The following ABCA6 variants were observed in gnomAD, a reference collection of about 807,000 sequenced individuals.
The protein encoded by ABCA6 is ATP binding cassette subfamily A member 6.
Under a neutral mutation model 191.2 loss-of-function variants are expected in ABCA6, and 164 were observed. That is an observed-to-expected ratio of 0.86 (90% confidence interval 0.76 to 0.98). ABCA6 has a LOEUF of 0.98. ABCA6 is among the 50% of genes least tolerant of loss of function. The pLI, the probability that ABCA6 is intolerant of heterozygous loss-of-function variation, is 0.00. For missense variants in ABCA6, 1,958 were observed against 1,894.1 expected, an observed-to-expected ratio of 1.03 and a Z score of -0.63; for synonymous variants, 636 against 647.7, an observed-to-expected ratio of 0.98 and a Z score of 0.27.
intron 15 of ABCA6, chr17:69,112,874 GA>G (rs66841849): frequency 0.1 from 15,394 of 149,126 alleles, 2,641 homozygotes; most frequent in African/African-American, 0.36. Context: ...AATACTTTCT[GA>G]AAAAAAAAAC....
intron 2 of ABCA6, among the ~76,000 whole-genome samples, chr17:69,138,149 C>A (rs1384813230): frequency 6.6e-6 from 1 of 152,098 alleles, no homozygotes; most frequent in Non-Finnish European, 1.5e-5. Flanking sequence ...GATCTTTTGA[C>A]TGAATGCATA....
chr17:69,090,147 T>C (rs779234593), intron 26 of ABCA6, among the ~76,000 whole-genome samples: 1 of 152,242 alleles, frequency 6.6e-6, no homozygotes, highest in African/African-American at 2.4e-5. Flanking sequence ...TAGTTTCTAA[T>C]CGAGAACTTC....
In ABCA6 at chr17:69,087,392, T is replaced by A; in HGVS notation, c.3780A>T (p.Ile1260=). The A allele has an allele frequency of 1.9e-6, 3 of 1,614,028 alleles. No individual in the cohort carries two copies. The African/African-American group carries it at 4.0e-5, about 22-fold the overall frequency. Residue 1260 remains isoleucine, a synonymous_variant, in exon 29 of 39, where the codon ATA becomes ATT. Transcript: ENST00000284425. ...DEDEDIQTER[I]RTATALTTSI... The stretch of plus-strand genomic sequence containing the variant: ...AAGTGGTCAGAGCAGTGGCTGTTCT[T>A]ATTCTTTCTGTTTGAATATCTTCAT...
At chr17:69,099,813 A>G (rs542666141) in intron 22 of ABCA6, among the ~76,000 whole-genome samples, 2 of 152,216 alleles carry the variant, frequency 1.3e-5, no homozygotes, top group African/African-American at 4.8e-5. Flanking sequence ...AGTACTGTAT[A>G]TTTCATCCCC....
chr17:69,083,701 A>T lies in ABCA6; in HGVS notation c.4356-370T>A, dbSNP rs2072698695. ...CATGGGAATAATGGATTCATAAGCG[A>T]TTCTCTACATTTGTATAAAATTACC... On this transcript the variant is annotated intron_variant, in intron 34 of 38. Transcript: ENST00000284425. Among the ~76,000 whole-genome samples the T allele has an allele frequency of 2.0e-5, 3 of 152,232 alleles. No individual in the cohort carries two copies. In the South Asian group the frequency reaches 6.2e-4, roughly 32 times the overall value.
Position 69,106,161 on chromosome 17 carries a change from C to T in ABCA6, c.2440G>A (p.Glu814Lys). The T allele has an allele frequency of 6.2e-7, 1 of 1,613,816 alleles. No homozygotes were observed. Among genetic ancestry groups the T allele is most frequent in the Non-Finnish European group, 8.5e-7 (1 of 1,179,824 alleles). Residue 814 changes from glutamate (E) to lysine (K), a missense_variant, in exon 19 of 39, where the codon GAG becomes AAG. By Grantham distance (56) the Glu-to-Lys change is moderately conservative (BLOSUM62 1). Transcript: ENST00000284425. ...TCAGAGAAGGAAGAGTGAGCCAGCT[C>T]CATTTCATTGAGGCTTTCTGAGTCT... is the stretch of plus-strand genomic sequence containing the variant. The part of the protein sequence containing the change: ...IRDSESLNEM[E>K]LAHSSFSEMQ...
At chr17:69,135,931 T>C (rs2073938954) in intron 4 of ABCA6, 161 bp downstream of exon 4, 2 of 695,858 alleles carry the variant, frequency 2.9e-6, no homozygotes, top group Non-Finnish European at 4.8e-6. Context: ...AGTCATCCTG[T>C]AGTAGGAACA....
At position 69,086,646 on chromosome 17, in the gene ABCA6, T is replaced by C. The variant is rs138917560; in HGVS notation, c.3909A>G (p.Ala1303=). Residue 1303 remains alanine, a synonymous_variant, in exon 30 of 39, where the codon GCA becomes GCG. Coordinates refer to ENST00000284425, the MANE Select transcript of ABCA6 (RefSeq NM_080284.3). ...CTTGAACACAGAAAGAGATATTTCT[T>C]GCTGCTATTTTCTTCTTCCTCTTTG... ...CFSKRKKKIA[A]RNISFCVQEG... 6.5e-3 allele frequency: 10,432 copies of C among 1,612,284 alleles called. 70 individuals are homozygous for C. The highest frequency in any genetic ancestry group is 0.01 in the South Asian group (919 of 91,038).
At chr17:69,100,438 CTAAT>C (rs940813051) in intron 22 of ABCA6, among the ~76,000 whole-genome samples, 44 of 152,306 alleles carry the variant, frequency 2.9e-4, no homozygotes, top group African/African-American at 1.1e-3. Flanking sequence ...GGTCCACTAA[CTAAT>C]TATAATAGAT....
chr17:69,106,236 AC>A, intron 18 of ABCA6, 25 bp from the exon 19 acceptor site: 1 of 1,585,596 alleles, frequency 6.3e-7, no homozygotes, highest in South Asian at 1.2e-5. Context: ...ATACACAAAC[AC>A]ACATATTATA....
chr17:69,089,100 T>C (rs2072870102), intron 27 of ABCA6, among the ~76,000 whole-genome samples: 1 of 152,242 alleles, frequency 6.6e-6, no homozygotes, highest in Non-Finnish European at 1.5e-5. Flanking sequence ...TCAGCCTAAA[T>C]ACACCAAAAT....
chr17:69,090,830 G>A (rs1367098495), intron 26 of ABCA6, among the ~76,000 whole-genome samples: 1 of 152,114 alleles, frequency 6.6e-6, no homozygotes, highest in Non-Finnish European at 1.5e-5. Context: ...ATATTTGAAT[G>A]GCATTTGACA....
In ABCA6 at chr17:69,141,813, G is replaced by C. The variant is rs185800439; in HGVS notation, c.-114C>G. The C allele has an allele frequency of 6.6e-6, 1 of 152,032 alleles. No homozygotes were observed. Among genetic ancestry groups the C allele is most frequent in the Non-Finnish European group, 1.5e-5 (1 of 67,972 alleles). The allele number at this position is 152,032 out of a possible 1,614,324, so 9.4% of individuals were successfully genotyped here. On this transcript the variant is annotated 5_prime_UTR_variant, in exon 1 of 39. It adds an upstream start codon to the 5' untranslated region. Transcript: ENST00000284425. ...CCAGTTCTCTGTTTGTCTAGGTAAC[G>C]ATTACAACTTCTTTATTGCTGCTTC...
intron 10 of ABCA6, among the ~76,000 whole-genome samples, chr17:69,119,854 T>C (rs2073608853): frequency 6.6e-6 from 1 of 152,010 alleles, no homozygotes; most frequent in Non-Finnish European, 1.5e-5. Context: ...TAGAAACAAC[T>C]AGAATATTTT....
chr17:69,115,465 T>C lies in ABCA6; in HGVS notation c.1517A>G (p.Glu506Gly). Residue 506 changes from glutamate to glycine, a missense_variant, in exon 12 of 39, where the codon GAA (glutamate) becomes GGA (glycine). Coordinates refer to ENST00000284425, the MANE Select transcript of ABCA6 (RefSeq NM_080284.3). Reference sequence around the variant, plus strand: ...ACCCAGGATTGCCGTGATTTGACCTTCATATATGTCAAAGAGCAAGCCTAT... The same window carrying C: ...ACCCAGGATTGCCGTGATTTGACCTCCATATATGTCAAAGAGCAAGCCTAT... ...ALKGLLFDIY[E>G]GQITAILGHS... 6.2e-7 allele frequency: 1 copy of C among 1,610,458 alleles called. No homozygotes were observed. The highest frequency in any genetic ancestry group is 2.2e-5 in the East Asian group (1 of 44,774).
rs1180343039 is a variant in ABCA6, at chr17:69,133,741, AATGAAGC to A, written c.684_690del (p.Leu228PhefsTer13). ...GATATAAAATATACAAGTGGGGAGA[AATGAAGC>A]AAGAAGAATAAAATAAACATCTCAT... On this transcript the variant is annotated frameshift_variant, in exon 6 of 39. Coordinates refer to ENST00000284425, the MANE Select transcript of ABCA6 (RefSeq NM_080284.3). LOFTEE classifies it high-confidence loss of function. 2.5e-6 allele frequency: 4 copies of A among 1,611,976 alleles called. No homozygotes were observed. Among genetic ancestry groups the A allele is most frequent in the Non-Finnish European group, 3.4e-6 (4 of 1,178,432 alleles).
At chr17:69,122,545 A>C (rs1430752393) in intron 10 of ABCA6, among the ~76,000 whole-genome samples, 1 of 152,022 alleles carries the variant, frequency 6.6e-6, no homozygotes, top group African/African-American at 2.4e-5. Context: ...CATAAAATTT[A>C]CTCATTTTTC....
At chr17:69,092,468 C>T (rs942989532) in intron 25 of ABCA6, among the ~76,000 whole-genome samples, 2 of 152,206 alleles carry the variant, frequency 1.3e-5, no homozygotes, top group Non-Finnish European at 2.9e-5. Context: ...CCTCTCTTCT[C>T]ATCCACTGGA....
In ABCA6 at chr17:69,096,349, AT is replaced by A. The variant is rs758594843; in HGVS notation, c.3298del (p.Ile1100Ter). ...ITSQIVFALV[I>X]VTPGYAASLV... Reference sequence around the variant, plus strand: ...AGAAGCTGCATAACCAGGAGTAACTATAACCTGAGCATAAAAGAAATAATAA... The same window carrying A: ...AGAAGCTGCATAACCAGGAGTAACTAAACCTGAGCATAAAAGAAATAATAA... On this transcript the variant is annotated frameshift_variant, in exon 25 of 39. Coordinates refer to ENST00000284425, the MANE Select transcript of ABCA6 (RefSeq NM_080284.3). LOFTEE classifies it high-confidence loss of function. 7.0e-7 allele frequency: 1 copy of A among 1,427,568 alleles called. No individual in the cohort carries two copies. The highest frequency in any genetic ancestry group is 1.5e-5 in the South Asian group (1 of 68,922). 88.4% of individuals were successfully genotyped at this position (1,427,568 alleles called of 1,614,324 possible). A position where few individuals can be genotyped will look rare whatever the true frequency, so the allele number is the denominator to read the frequency against.
Sources: allele counts gnomAD v4.1 joint callset (sites outside exome capture counted in the v4.1 genomes callset), GRCh38; gene constraint gnomAD v4.1.1; transcripts MANE v1.5; gene names NCBI Gene and HGNC (gene_info 2026-07-23, HGNC 2026-07-21).